SNX27: variants seen among roughly 807,000 people sequenced by gnomAD.
SNX27 encodes sorting nexin 27.
A neutral mutation model predicts 71.6 loss-of-function variants in SNX27; 22 were observed. The observed-to-expected ratio is 0.31, with a 90% CI of 0.22 to 0.44. SNX27 has a LOEUF of 0.44. Among genes scored for constraint, SNX27 ranks in the 20% least tolerant of loss-of-function variants. The pLI, the probability that SNX27 is intolerant of heterozygous loss-of-function variation, is 1.00. For synonymous variants in SNX27, 269 were observed against 277.2 expected (o/e 0.97, Z 0.29); for missense variants, 531 against 698.6 (o/e 0.76, Z 2.70).
chr1:151,637,733 T>A (rs1311566055), intron 1 of SNX27, among the ~76,000 whole-genome samples: 1 of 152,180 alleles, frequency 6.6e-6, no homozygotes, highest in Admixed American at 6.5e-5. Context: ...AAATGGATAT[T>A]TCAGATACCA....
chr1:151,641,600 T>TATAG (rs1553257790), intron 2 of SNX27, among the ~76,000 whole-genome samples: 3 of 50,716 alleles, frequency 5.9e-5, no homozygotes, highest in African/African-American at 1.1e-4. Flanking sequence ...CTTTATCAGA[T>TATAG]ATATATATAT....
chr1:151,663,356 T>C (rs1306832247), intron 5 of SNX27, among the ~76,000 whole-genome samples: 1 of 152,090 alleles, frequency 6.6e-6, no homozygotes, highest in African/African-American at 2.4e-5. Flanking sequence ...TTCACTGTGT[T>C]AGCCAGGATG....
At chr1:151,678,531 T>A (rs1017337951) in intron 7 of SNX27, 4 of 152,192 alleles carry the variant, frequency 2.6e-5, no homozygotes, top group African/African-American at 9.7e-5. Flanking sequence ...CTTTCATTTC[T>A]TGGTTATTGT....
chr1:151,614,175 T>C (rs1455135326), intron 1 of SNX27: 1 of 150,242 alleles, frequency 6.7e-6, no homozygotes, highest in Admixed American at 6.6e-5. Context: ...GGAGAGTTGA[T>C]TGAAAAAAAA....
intron 2 of SNX27, among the ~76,000 whole-genome samples, chr1:151,640,482 A>G (rs1035603231): frequency 1.3e-5 from 2 of 152,036 alleles, no homozygotes; most frequent in Admixed American, 6.6e-5. Flanking sequence ...GGTTCAAACA[A>G]TTCTGCCTCA....
intron 2 of SNX27, among the ~76,000 whole-genome samples, chr1:151,641,522 G>A (rs978168662): frequency 8.9e-5 from 13 of 145,596 alleles, no homozygotes; most frequent in African/African-American, 2.5e-4. Flanking sequence ...TCTTTTGCCC[G>A]TTTAAAAAAT....
At chr1:151,679,971 C>T (rs776665002) in intron 7 of SNX27, 2 of 152,002 alleles carry the variant, frequency 1.3e-5, no homozygotes, top group Non-Finnish European at 2.9e-5. Flanking sequence ...AAAGTAGTTG[C>T]TTTTGTGGAA....
At chr1:151,691,803 C>T (rs970584755) in intron 8 of SNX27, among the ~76,000 whole-genome samples, 10 of 151,948 alleles carry the variant, frequency 6.6e-5, no homozygotes, top group Admixed American at 4.6e-4. Context: ...CGTGAGCCAC[C>T]GCGCCTGGCC....
At chr1:151,682,619 G>A (rs901911644) in intron 7 of SNX27, among the ~76,000 whole-genome samples, 4 of 152,116 alleles carry the variant, frequency 2.6e-5, no homozygotes, top group Non-Finnish European at 5.9e-5. Flanking sequence ...TCACAGTTTC[G>A]CATGGCTTGG....
chr1:151,629,495 G>A (rs1239678953), intron 1 of SNX27: 1 of 149,060 alleles, frequency 6.7e-6, no homozygotes, highest in South Asian at 2.1e-4. Context: ...ATACATGTAT[G>A]CGTATATATA....
At chr1:151,692,368 T>A in intron 8 of SNX27, 67 bp from the exon 9 acceptor site, 1 of 1,458,368 alleles carries the variant, frequency 6.9e-7, no homozygotes, top group South Asian at 1.5e-5. Context: ...CTTTATTGTG[T>A]TTAATACCAT....
chr1:151,684,208 G>T (rs1486058357), intron 8 of SNX27, among the ~76,000 whole-genome samples: 1 of 152,050 alleles, frequency 6.6e-6, no homozygotes, highest in African/African-American at 2.4e-5. Context: ...TATCATCCTA[G>T]AATTGTGCTA....
Position 151,693,214 on chromosome 1 carries a change from T to C in SNX27, c.1518+175T>C, listed in dbSNP as rs1571881879. 3.9e-6 allele frequency: 4 copies of C among 1,037,436 alleles called. No individual in the cohort carries two copies. In the East Asian group the frequency reaches 1.0e-4, roughly 26 times the overall value. 64.3% of individuals were successfully genotyped at this position (1,037,436 alleles called of 1,614,324 possible). On this transcript the variant is annotated intron_variant, in intron 10 of 11. Coordinates refer to ENST00000458013, the MANE Select transcript of SNX27 (RefSeq NM_001330723.2). ...TTTTTGCTTTAGGCCTGACTGGAAT[T>C]GGCAATTTCCTATCCCACTTGGCTC... is the stretch of plus-strand genomic sequence containing the variant.
chr1:151,668,674 T>G (rs1306927657), intron 7 of SNX27, 39 bp downstream of exon 7: 2 of 1,590,864 alleles, frequency 1.3e-6, no homozygotes, highest in Non-Finnish European at 1.7e-6. Flanking sequence ...CAATTTCTTT[T>G]TATGTTTGAA....
intron 7 of SNX27, chr1:151,677,372 C>T (rs1208197618): frequency 2.6e-5 from 4 of 151,994 alleles, no homozygotes; most frequent in African/African-American, 9.7e-5. Context: ...ATTTTTATTG[C>T]TATTATGAAT....
chr1:151,617,082 A>T (rs912081003), intron 1 of SNX27, among the ~76,000 whole-genome samples: 1 of 152,124 alleles, frequency 6.6e-6, no homozygotes, highest in African/African-American at 2.4e-5. Flanking sequence ...TCGAATTCCA[A>T]CCTAAGTGGA....
At position 151,683,443 on chromosome 1, in the gene SNX27, A is replaced by T. The variant is rs144336311; in HGVS notation, c.1237A>T (p.Met413Leu). 5.3e-4 allele frequency: 850 copies of T among 1,612,308 alleles called. 1 individual carries two copies. The highest frequency in any genetic ancestry group is 6.5e-4 in the Non-Finnish European group (764 of 1,178,978). The change falls in exon 8 of 12, where the codon ATG (methionine) becomes TTG (leucine). Residue 413 changes from methionine to leucine, a missense_variant and splice_region_variant. By Grantham distance (15) the Met-to-Leu change is conservative (BLOSUM62 2). Transcript: ENST00000458013. ...QKLYEQRKMV[M>L]YLNMLRTCEG... ...GCTATACGAACAAAGAAAAATGGTC[A>T]TGGTAAGTTTATGTCCCCATAATCC...
chr1:151,684,917 T>C (rs529858179), intron 8 of SNX27, among the ~76,000 whole-genome samples: 2 of 152,218 alleles, frequency 1.3e-5, no homozygotes, highest in African/African-American at 4.8e-5. Context: ...CAAGCGATTC[T>C]CCTGCCTCAG....
chr1:151,651,623 C>T (rs1248310921), intron 2 of SNX27, among the ~76,000 whole-genome samples: 1 of 151,066 alleles, frequency 6.6e-6, no homozygotes, highest in Non-Finnish European at 1.5e-5. Flanking sequence ...GGCAGAGGCG[C>T]TCCCCACATC....
Sources: gnomAD v4.1 joint callset for allele counts (sites outside exome capture counted in the v4.1 genomes callset) on GRCh38, gnomAD v4.1.1 for gene constraint, MANE v1.5 for transcripts, NCBI Gene and HGNC (gene_info 2026-07-23, HGNC 2026-07-21) for gene names.